ENOX1: variants seen among roughly 807,000 people sequenced by gnomAD.
ENOX1 encodes candidate growth-related and time keeping constitutive hydroquinone (NADH) oxidase.
Under a neutral mutation model 82.5 loss-of-function variants are expected in ENOX1, and 42 were observed. The observed-to-expected ratio is 0.51, with a 90% CI of 0.40 to 0.66. ENOX1 has a LOEUF of 0.66. Ranked by LOEUF, ENOX1 falls within the 30% of genes least tolerant of loss-of-function variation. The pLI is 0.00. For missense variants in ENOX1, 608 were observed against 811.6 expected (o/e 0.75, Z 3.05); for synonymous variants, 271 against 282.2 (o/e 0.96, Z 0.40).
At chr13:43,577,829 C>T (rs1408243368) in intron 2 of ENOX1, among the ~76,000 whole-genome samples, 3 of 152,192 alleles carry the variant, frequency 2.0e-5, no homozygotes, top group Non-Finnish European at 4.4e-5. Flanking sequence ...AAACTCTTGG[C>T]CTTCTCTATT....
intron 2 of ENOX1, chr13:43,547,462 A>T (rs1457398156): frequency 6.6e-6 from 1 of 152,240 alleles, no homozygotes; most frequent in African/African-American, 2.4e-5. Flanking sequence ...ACAAACATTC[A>T]TTAACAATGT....
At chr13:43,708,978 T>C (rs1555365357) in intron 1 of ENOX1, among the ~76,000 whole-genome samples, 1 of 152,116 alleles carries the variant, frequency 6.6e-6, no homozygotes, top group Non-Finnish European at 1.5e-5. Flanking sequence ...CTATGAGAAT[T>C]ATAGTTTTTA....
chr13:43,718,036 T>C (rs2088273363), intron 1 of ENOX1, among the ~76,000 whole-genome samples: 1 of 152,194 alleles, frequency 6.6e-6, no homozygotes, highest in Non-Finnish European at 1.5e-5. Context: ...ACTGGGTATA[T>C]ACCCAAAAGA....
At chr13:43,369,491 TTCATGTCATC>T (rs1179479880) in intron 5 of ENOX1, among the ~76,000 whole-genome samples, 1 of 152,342 alleles carries the variant, frequency 6.6e-6, no homozygotes, top group Non-Finnish European at 1.5e-5. Flanking sequence ...TGCTGAAAGC[TTCATGTCATC>T]TCATGTCATC....
intron 8 of ENOX1, among the ~76,000 whole-genome samples, chr13:43,351,151 C>A (rs1290926498): frequency 6.6e-6 from 1 of 152,172 alleles, no homozygotes; most frequent in African/African-American, 2.4e-5. Flanking sequence ...CTATCACAAT[C>A]CCCAAATTTC....
chr13:43,308,696 T>G (rs2047009263), intron 11 of ENOX1, among the ~76,000 whole-genome samples: 4 of 152,206 alleles, frequency 2.6e-5, no homozygotes, highest in Admixed American at 2.6e-4. Context: ...ATAACACCGA[T>G]GCCTGGGCAT....
intron 11 of ENOX1, among the ~76,000 whole-genome samples, chr13:43,316,454 A>G (rs1019264038): frequency 6.6e-6 from 1 of 152,194 alleles, no homozygotes; most frequent in Non-Finnish European, 1.5e-5. Context: ...TGCTACATAA[A>G]AATAGGATTA....
chr13:43,779,981 C>A (rs553685097), intron 1 of ENOX1, among the ~76,000 whole-genome samples: 2 of 151,964 alleles, frequency 1.3e-5, no homozygotes, highest in South Asian at 2.1e-4. Context: ...ACAGTGAAAC[C>A]CCATCTCTAC....
intron 5 of ENOX1, among the ~76,000 whole-genome samples, chr13:43,380,262 G>C (rs1265796851): frequency 6.6e-6 from 1 of 151,570 alleles, no homozygotes; most frequent in Non-Finnish European, 1.5e-5. Flanking sequence ...TGGTTGAATA[G>C]AAAAAAAAAA....
At chr13:43,664,017 C>T (rs1167128160) in intron 2 of ENOX1, among the ~76,000 whole-genome samples, 1 of 152,090 alleles carries the variant, frequency 6.6e-6, no homozygotes, top group East Asian at 1.9e-4. Flanking sequence ...ATTAAGATTC[C>T]TATTTTAACT....
At chr13:43,406,148 A>G (rs922324240) in intron 5 of ENOX1, among the ~76,000 whole-genome samples, 1 of 152,222 alleles carries the variant, frequency 6.6e-6, no homozygotes, top group Non-Finnish European at 1.5e-5. Flanking sequence ...AGGATTAAAC[A>G]ACCCAAGAAG....
chr13:43,605,449 A>G (rs980135177), intron 2 of ENOX1, among the ~76,000 whole-genome samples: 1 of 152,202 alleles, frequency 6.6e-6, no homozygotes, highest in Non-Finnish European at 1.5e-5. Context: ...TGGTACTGGT[A>G]TAAAAACAGA....
chr13:43,466,185 C>G (rs1183141104), intron 3 of ENOX1, among the ~76,000 whole-genome samples: 1 of 151,594 alleles, frequency 6.6e-6, no homozygotes, highest in African/African-American at 2.4e-5. Flanking sequence ...AGGTATAAGA[C>G]ACAGTGGAAA....
At chr13:43,607,113 G>A (rs778004639) in intron 2 of ENOX1, among the ~76,000 whole-genome samples, 7 of 152,040 alleles carry the variant, frequency 4.6e-5, no homozygotes, top group East Asian at 1.9e-4. Context: ...TGGATTGTTC[G>A]TAACAAAGAA....
chr13:43,458,001 C>A (rs981766613), intron 3 of ENOX1, among the ~76,000 whole-genome samples: 1 of 152,104 alleles, frequency 6.6e-6, no homozygotes, highest in African/African-American at 2.4e-5. Context: ...TGCAGGTAAT[C>A]CTTTTACTTG....
At chr13:43,478,054 G>GTTTTTTTT (rs756717438) in intron 3 of ENOX1, among the ~76,000 whole-genome samples, 4 of 100,444 alleles carry the variant, frequency 4.0e-5, no homozygotes, top group African/African-American at 7.9e-5. Flanking sequence ...AGCCAGAGAG[G>GTTTTTTTT]TTTTTTTTTT....
At chr13:43,307,087 C>T (rs1430355833) in intron 11 of ENOX1, among the ~76,000 whole-genome samples, 1 of 152,166 alleles carries the variant, frequency 6.6e-6, no homozygotes, top group Non-Finnish European at 1.5e-5. Flanking sequence ...CCCTAACTAT[C>T]CAGACTAGTA....
At chr13:43,679,659 A>G (rs2085688403) in intron 1 of ENOX1, among the ~76,000 whole-genome samples, 1 of 152,212 alleles carries the variant, frequency 6.6e-6, no homozygotes, top group South Asian at 2.1e-4. Context: ...ATTGGGTTAA[A>G]TTATCCCTAA....
intron 2 of ENOX1, among the ~76,000 whole-genome samples, chr13:43,574,242 T>C (rs1315370512): frequency 6.6e-6 from 1 of 152,158 alleles, no homozygotes; most frequent in Admixed American, 6.5e-5. Flanking sequence ...AATATATCTG[T>C]CAATCTGATA....
Sources: allele counts gnomAD v4.1 joint callset (sites outside exome capture counted in the v4.1 genomes callset), GRCh38; gene constraint gnomAD v4.1.1; transcripts MANE v1.5; gene names NCBI Gene and HGNC (gene_info 2026-07-23, HGNC 2026-07-21).